MTUS2: variants seen among roughly 807,000 people sequenced by gnomAD.
MTUS2 encodes the protein microtubule-associated tumor suppressor candidate 2.
MTUS2 carries 40 observed loss-of-function variants against 114.1 expected under a neutral mutation model. The observed-to-expected ratio is 0.35, with a 90% CI of 0.27 to 0.46. The LOEUF (loss-of-function observed/expected upper bound fraction) is 0.46. Among genes scored for constraint, MTUS2 ranks in the 20% least tolerant of loss-of-function variants. The pLI is 1.00. For missense variants in MTUS2, 1,679 were observed against 1,705.4 expected, an observed-to-expected ratio of 0.98 and a Z score of 0.27; for synonymous variants, 688 against 672.0, an observed-to-expected ratio of 1.02 and a Z score of -0.37.
At chr13:29,085,319 G>C (rs1428829625) in intron 4 of MTUS2, among the ~76,000 whole-genome samples, 1 of 152,194 alleles carries the variant, frequency 6.6e-6, no homozygotes, top group Non-Finnish European at 1.5e-5. Context: ...GGGGGTACAT[G>C]TGAGGTTTGT....
intron 9 of MTUS2, among the ~76,000 whole-genome samples, chr13:29,456,915 A>AGG (rs1879145998): frequency 6.6e-6 from 1 of 152,100 alleles, no homozygotes; most frequent in Non-Finnish European, 1.5e-5. Flanking sequence ...AGGCGGGCGA[A>AGG]TCACGAGGTC....
chr13:29,307,438 A>G, intron 6 of MTUS2: 2 of 1,307,564 alleles, frequency 1.5e-6, no homozygotes, highest in Non-Finnish European at 2.2e-6. Context: ...GGCCAAGGTC[A>G]TCCCTGAGCT....
intron 5 of MTUS2, among the ~76,000 whole-genome samples, chr13:29,238,137 A>G (rs1896604086): frequency 1.3e-5 from 2 of 152,212 alleles, no homozygotes; most frequent in Non-Finnish European, 2.9e-5. Context: ...CATTGTTCAC[A>G]ACAGCCAAGA....
Position 29,501,120 on chromosome 13 carries a change from A to C in MTUS2, c.3822A>C (p.Glu1274Asp). The change falls in exon 15 of 16, where the codon GAA becomes GAC. Residue 1274 changes from glutamate (E) to aspartate (D), a missense_variant. Coordinates refer to ENST00000612955, the MANE Select transcript of MTUS2 (RefSeq NM_001033602.4). Reference protein sequence around the residue: ...EKLAEKNIILEEKIQVLQQQN... With the variant: ...EKLAEKNIILDEKIQVLQQQN... Reference sequence around the variant, plus strand: ...AGGCAGAAAAGAACATTATCCTAGAAGAAAAGATCCAGGTTCTCCAACAGC... The same window carrying C: ...AGGCAGAAAAGAACATTATCCTAGACGAAAAGATCCAGGTTCTCCAACAGC... The C allele has an allele frequency of 6.2e-7, 1 of 1,614,154 alleles. No individual in the cohort carries two copies. Among genetic ancestry groups the C allele is most frequent in the Non-Finnish European group, 8.5e-7 (1 of 1,179,980 alleles).
At chr13:28,927,271 A>G (rs773862144) in intron 2 of MTUS2, among the ~76,000 whole-genome samples, 8 of 152,228 alleles carry the variant, frequency 5.3e-5, no homozygotes, top group Non-Finnish European at 1.2e-4. Flanking sequence ...CAAGAAAGAT[A>G]CAAAAAATAG....
chr13:29,077,716 G>A (rs576427237), intron 4 of MTUS2, among the ~76,000 whole-genome samples: 62 of 152,232 alleles, frequency 4.1e-4, no homozygotes, highest in African/African-American at 1.4e-3. Flanking sequence ...TCTTGACAAT[G>A]GTAGGCATCT....
intron 8 of MTUS2, among the ~76,000 whole-genome samples, chr13:29,395,376 T>C (rs1233521827): frequency 6.6e-6 from 1 of 152,140 alleles, no homozygotes; most frequent in Non-Finnish European, 1.5e-5. Flanking sequence ...GGGATGTATT[T>C]TGAAAATGGA....
Position 29,361,459 on chromosome 13 carries a change from G to GT in MTUS2, c.3117+1996dup, listed in dbSNP as rs530524127. Among the ~76,000 whole-genome samples, 269 of 150,448 alleles carry GT rather than the reference G, an allele frequency of 1.8e-3. 1 individual carries two copies. Among genetic ancestry groups the GT allele is most frequent in the Non-Finnish European group, 2.2e-3 (150 of 67,422 alleles). ...CAGAAGAAAAAACAGAAGATAAAATGTTTTTTTTTTAAAAAGTTAAAGTCC... is the reference window on the plus strand; with the variant it reads ...CAGAAGAAAAAACAGAAGATAAAATGTTTTTTTTTTTAAAAAGTTAAAGTCC... On this transcript the variant is annotated intron_variant, in intron 8 of 15. Coordinates refer to ENST00000612955, the MANE Select transcript of MTUS2 (RefSeq NM_001033602.4).
At chr13:29,490,672 A>G (rs1028087313) in intron 11 of MTUS2, among the ~76,000 whole-genome samples, 1 of 152,268 alleles carries the variant, frequency 6.6e-6, no homozygotes, top group Non-Finnish European at 1.5e-5. Flanking sequence ...TCTTTGCTGA[A>G]GCAAATCCCA....
intron 4 of MTUS2, among the ~76,000 whole-genome samples, chr13:29,090,967 G>T (rs550332326): frequency 6.6e-6 from 1 of 152,230 alleles, no homozygotes; most frequent in South Asian, 2.1e-4. Context: ...GATCCTGGAG[G>T]TCTGTGGAGA....
intron 8 of MTUS2, among the ~76,000 whole-genome samples, chr13:29,400,497 G>A (rs1224773445): frequency 6.6e-6 from 1 of 152,208 alleles, no homozygotes; most frequent in Non-Finnish European, 1.5e-5. Flanking sequence ...TGGTGTATAT[G>A]CTTACCATGA....
chr13:28,874,367 C>T (rs1039622401), intron 2 of MTUS2, among the ~76,000 whole-genome samples: 2 of 152,132 alleles, frequency 1.3e-5, no homozygotes, highest in African/African-American at 4.8e-5. Context: ...TATAATAAAT[C>T]CTACAAAAAC....
At chr13:29,436,462 G>A (rs1408710597) in intron 8 of MTUS2, among the ~76,000 whole-genome samples, 1 of 152,238 alleles carries the variant, frequency 6.6e-6, no homozygotes, top group East Asian at 1.9e-4. Context: ...ACTACAGAGA[G>A]TGTTTGGTGG....
At chr13:29,359,566 T>G (rs922279782) in intron 8 of MTUS2, 93 bp downstream of exon 8, 4 of 1,393,396 alleles carry the variant, frequency 2.9e-6, no homozygotes, top group Non-Finnish European at 3.9e-6. Context: ...CTGTTTTGGG[T>G]TTGAGTTTTG....
intron 2 of MTUS2, among the ~76,000 whole-genome samples, chr13:28,912,346 C>A (rs142036331): frequency 6.6e-6 from 1 of 152,066 alleles, no homozygotes; most frequent in Non-Finnish European, 1.5e-5. Flanking sequence ...TTTCTGAGTT[C>A]TCTATTCTGT....
intron 4 of MTUS2, among the ~76,000 whole-genome samples, chr13:29,078,862 T>A (rs1889313268): frequency 1.3e-5 from 2 of 152,260 alleles, no homozygotes. Flanking sequence ...TCTTTCCAAC[T>A]TTTGTCTCTT....
intron 14 of MTUS2, among the ~76,000 whole-genome samples, 176 bp downstream of exon 14, chr13:29,498,713 C>G (rs1242369312): frequency 6.6e-6 from 1 of 152,198 alleles, no homozygotes; most frequent in African/African-American, 2.4e-5. Context: ...CATAAGGAAT[C>G]TTGGAGGTGG....
At chr13:29,465,418 T>C (rs998674620) in intron 9 of MTUS2, among the ~76,000 whole-genome samples, 2 of 152,182 alleles carry the variant, frequency 1.3e-5, no homozygotes, top group African/African-American at 4.8e-5. Flanking sequence ...GCCCATGCTC[T>C]TAGACACTTG....
chr13:29,050,517 G>A (rs569496787), intron 4 of MTUS2, among the ~76,000 whole-genome samples: 1 of 152,168 alleles, frequency 6.6e-6, no homozygotes, highest in East Asian at 1.9e-4. Flanking sequence ...CTTTCTCCCT[G>A]ATTCTCAAAT....
Sources: allele counts gnomAD v4.1 joint callset (sites outside exome capture counted in the v4.1 genomes callset), GRCh38; gene constraint gnomAD v4.1.1; transcripts MANE v1.5; gene names NCBI Gene and HGNC (gene_info 2026-07-23, HGNC 2026-07-21).